The following BICD1 variants were observed in gnomAD, a reference collection of about 807,000 sequenced individuals.
BICD1 encodes BICD cargo adaptor 1, also known as protein bicaudal D homolog 1.
A neutral mutation model predicts 92.5 loss-of-function variants in BICD1; 35 were observed. The ratio of observed to expected loss-of-function variants is 0.38; its 90% CI spans 0.29 to 0.50. The LOEUF is 0.50. BICD1 is among the 20% of genes least tolerant of loss of function. The pLI is 0.93. For synonymous variants in BICD1, 429 were observed against 465.1 expected (o/e 0.92, Z 1.00); for missense variants, 950 against 1,189.8 (o/e 0.80, Z 2.97).
chr12:32,216,371 A>T lies in BICD1; in HGVS notation c.338A>T (p.Gln113Leu). 1 of 1,614,212 alleles carries T rather than the reference A, an allele frequency of 6.2e-7. No homozygotes were observed. Among genetic ancestry groups the T allele is most frequent in the Non-Finnish European group, 8.5e-7 (1 of 1,180,042 alleles). Reference sequence around the variant, plus strand: ...TATCTGGGGAAGATCTTGGAGATGCAGAACGAGCTGAAACAGAGCCGGGCT... The same window carrying T: ...TATCTGGGGAAGATCTTGGAGATGCTGAACGAGCTGAAACAGAGCCGGGCT... ...AYYLGKILEM[Q>L]NELKQSRAVV... Residue 113 changes from glutamine (Q) to leucine (L), a missense_variant, in exon 2 of 10, where the codon CAG becomes CTG. Around this residue, in one of 5 missense-constraint regions of BICD1, gnomAD observed 202 missense variants for 205.3 expected, o/e 0.98. Transcript: ENST00000652176.
At chr12:32,253,235 G>T (rs1946614635) in intron 2 of BICD1, among the ~76,000 whole-genome samples, 1 of 152,046 alleles carries the variant, frequency 6.6e-6, no homozygotes, top group Admixed American at 6.6e-5. Context: ...TTGAATTGCT[G>T]CTTGTTAATA....
At chr12:32,371,168 T>C (rs1310757068) in intron 9 of BICD1, among the ~76,000 whole-genome samples, 1 of 152,212 alleles carries the variant, frequency 6.6e-6, no homozygotes, top group Non-Finnish European at 1.5e-5. Flanking sequence ...AGCAATTTAA[T>C]GAATTACAAA....
chr12:32,263,553 A>T (rs1592578576), intron 2 of BICD1, among the ~76,000 whole-genome samples: 1 of 152,204 alleles, frequency 6.6e-6, no homozygotes, highest in Admixed American at 6.5e-5. Flanking sequence ...CAAAAAGAAA[A>T]AAAAAAAAAA....
intron 1 of BICD1, among the ~76,000 whole-genome samples, chr12:32,210,259 A>G (rs945868404): frequency 2.6e-5 from 4 of 152,176 alleles, no homozygotes; most frequent in Non-Finnish European, 5.9e-5. Flanking sequence ...ATTATTTTGC[A>G]GTTTCAAATC....
intron 1 of BICD1, among the ~76,000 whole-genome samples, chr12:32,110,616 G>A (rs1300069003): frequency 1.3e-5 from 2 of 152,148 alleles, no homozygotes; most frequent in African/African-American, 2.4e-5. Context: ...TGGGATGTAC[G>A]TAAATCAGCA....
chr12:32,195,193 G>C (rs1268793440), intron 1 of BICD1, among the ~76,000 whole-genome samples: 1 of 151,868 alleles, frequency 6.6e-6, no homozygotes, highest in Non-Finnish European at 1.5e-5. Context: ...ACTACTGAAA[G>C]CAACATACAG....
intron 4 of BICD1, 107 bp downstream of exon 4, chr12:32,306,229 T>C (rs1948212761): frequency 8.7e-7 from 1 of 1,151,220 alleles, no homozygotes. Context: ...CTTTTCTTTT[T>C]TCTTTTCTTC....
At chr12:32,156,288 G>C (rs1326347325) in intron 1 of BICD1, among the ~76,000 whole-genome samples, 1 of 152,178 alleles carries the variant, frequency 6.6e-6, no homozygotes, top group Non-Finnish European at 1.5e-5. Flanking sequence ...TGTTTGAATG[G>C]TGGGACAAAC....
chr12:32,128,095 G>A (rs936860255), intron 1 of BICD1, among the ~76,000 whole-genome samples: 1 of 152,112 alleles, frequency 6.6e-6, no homozygotes, highest in South Asian at 2.1e-4. Context: ...GTAGAGACAG[G>A]GTTTCACCGT....
chr12:32,323,194 A>C (rs1263377529), intron 4 of BICD1, among the ~76,000 whole-genome samples: 1 of 152,216 alleles, frequency 6.6e-6, no homozygotes, highest in Non-Finnish European at 1.5e-5. Context: ...CTGGAGATAC[A>C]GTCTGTTATA....
Position 32,305,915 on chromosome 12 carries a change from A to G in BICD1, c.798A>G (p.Ser266=), listed in dbSNP as rs201155761. Residue 266 remains serine (S), a synonymous_variant, in exon 4 of 10, where the codon TCA becomes TCG. Coordinates refer to ENST00000652176, the MANE Select transcript of BICD1 (RefSeq NM_001714.4). Reference sequence around the variant, plus strand: ...TCAATGATAACCATATCAGCATCTCAGTAGATGGACTCAAATTTGCCGAGG... The same window carrying G: ...TCAATGATAACCATATCAGCATCTCGGTAGATGGACTCAAATTTGCCGAGG... ...ISLNDNHISI[S]VDGLKFAEDG... 1.8e-5 allele frequency: 29 copies of G among 1,614,032 alleles called. No homozygotes were observed. The highest frequency in any genetic ancestry group is 2.5e-5 in the Non-Finnish European group (29 of 1,179,978).
intron 2 of BICD1, among the ~76,000 whole-genome samples, chr12:32,235,606 A>G (rs1946043254): frequency 6.6e-6 from 1 of 151,974 alleles, no homozygotes; most frequent in Non-Finnish European, 1.5e-5. Context: ...ACATTGAGCA[A>G]GTCTACTGGG....
intron 4 of BICD1, among the ~76,000 whole-genome samples, chr12:32,314,278 G>A (rs1284482187): frequency 6.6e-6 from 1 of 152,008 alleles, no homozygotes; most frequent in African/African-American, 2.4e-5. Flanking sequence ...AATTCCCGGG[G>A]GAGTTAATAC....
intron 2 of BICD1, among the ~76,000 whole-genome samples, chr12:32,238,865 A>T (rs1304166043): frequency 1.4e-5 from 2 of 145,630 alleles, no homozygotes; most frequent in Admixed American, 7.1e-5. Flanking sequence ...AATCGATTGA[A>T]CCCGGGAGGT....
chr12:32,288,223 A>ATTTTTTTTTTTTTTTTT (rs34913740), intron 2 of BICD1, among the ~76,000 whole-genome samples: 1 of 109,522 alleles, frequency 9.1e-6, no homozygotes, highest in African/African-American at 3.7e-5. Context: ...CCAAGTCCTA[A>ATTTTTTTTTTTTTTTTT]TTTTTTTTTT....
intron 2 of BICD1, among the ~76,000 whole-genome samples, chr12:32,265,082 C>T (rs1488726641): frequency 3.3e-5 from 5 of 151,990 alleles, no homozygotes; most frequent in Admixed American, 6.6e-5. Flanking sequence ...CCTCTCCTTA[C>T]CTCCACGAGG....
chr12:32,260,638 CTTT>C (rs35105546), intron 2 of BICD1, among the ~76,000 whole-genome samples: 19 of 145,176 alleles, frequency 1.3e-4, no homozygotes, highest in Non-Finnish European at 1.7e-4. Context: ...TATTCTAGTA[CTTT>C]TTTTTTTTTT....
intron 5 of BICD1, among the ~76,000 whole-genome samples, chr12:32,331,133 C>CT (rs933827495): frequency 8.6e-5 from 12 of 140,182 alleles, no homozygotes; most frequent in South Asian, 4.5e-4. Flanking sequence ...GAAAATCTGT[C>CT]TTAAAAAAAA....
At chr12:32,349,415 A>G (rs1231470133) in intron 8 of BICD1, among the ~76,000 whole-genome samples, 1 of 152,180 alleles carries the variant, frequency 6.6e-6, no homozygotes, top group East Asian at 1.9e-4. Flanking sequence ...AGAGAAGCCA[A>G]TCTCTAGGTT....
Sources: gnomAD v4.1 joint callset for allele counts (sites outside exome capture counted in the v4.1 genomes callset) on GRCh38, gnomAD v4.1.1 for gene constraint, gnomAD v4.1.1 regional missense constraint, MANE v1.5 for transcripts, NCBI Gene and HGNC (gene_info 2026-07-23, HGNC 2026-07-21) for gene names.